MALAT1: variants seen among roughly 807,000 people sequenced by gnomAD.
MALAT1 encodes the protein hepcarcin.
chr11:65,499,791 AAGAC>A lies in MALAT1; in HGVS notation n.1056_1059del, dbSNP rs1181545135. ...CTGAAAAGTAGGAAGCAGAAGAAAAAAGACAAGCTAGGAAACAAAAAGCTAAGGG... is the reference window on the plus strand; with the variant it reads ...CTGAAAAGTAGGAAGCAGAAGAAAAAAAGCTAGGAAACAAAAAGCTAAGGG... On this transcript the variant is annotated non_coding_transcript_exon_variant, in exon 3 of 4. Coordinates refer to ENST00000619449, the Ensembl canonical transcript of MALAT1. 2.8e-5 allele frequency: 12 copies of A among 421,880 alleles called. No individual in the cohort carries two copies. In the Admixed American group the frequency reaches 2.9e-4, roughly 10 times the overall value. 26.1% of individuals were successfully genotyped at this position (421,880 alleles called of 1,614,324 possible). A position where few individuals can be genotyped will look rare whatever the true frequency, so the allele number is the denominator to read the frequency against.
intron 3 of MALAT1, chr11:65,506,055 G>T: frequency 4.5e-6 from 2 of 440,658 alleles, no homozygotes; most frequent in Non-Finnish European, 8.7e-6. Context: ...AAAACAACAC[G>T]TATTGTTTTC....
chr11:65,500,226 A>C, exon 3 of MALAT1: 2 of 516,690 alleles, frequency 3.9e-6, no homozygotes, highest in South Asian at 2.8e-5. Context: ...AAGAGTTAGA[A>C]GAATTTGGAA....
At chr11:65,500,488 AG>A (rs1348458539) in exon 3 of MALAT1, 1 of 518,974 alleles carries the variant, frequency 1.9e-6, no homozygotes, top group Non-Finnish European at 3.8e-6. Flanking sequence ...AGGACTGAGG[AG>A]CAAGCGAGCA....
exon 3 of MALAT1, chr11:65,503,141 G>A (rs1854593108): frequency 2.0e-6 from 1 of 508,876 alleles, no homozygotes; most frequent in Admixed American, 2.0e-5. Flanking sequence ...GTTATCAGAA[G>A]AGTTGCTTCA....
At chr11:65,502,430 T>A (rs777778162) in exon 3 of MALAT1, 1 of 503,992 alleles carries the variant, frequency 2.0e-6, no homozygotes, top group Non-Finnish European at 3.9e-6. Flanking sequence ...AAGCAAGTTT[T>A]TTTTTAGTGT....
At chr11:65,500,043 TGG>T in exon 3 of MALAT1, 1 of 434,226 alleles carries the variant, frequency 2.3e-6, no homozygotes, top group Admixed American at 2.8e-5. Flanking sequence ...ATTTAATTTC[TGG>T]TGGTGCAGAA....
At chr11:65,499,554 C>G in exon 3 of MALAT1, 1 of 457,430 alleles carries the variant, frequency 2.2e-6, no homozygotes, top group South Asian at 1.6e-5. Flanking sequence ...GGGAGAATTG[C>G]GTCATTTAAA....
chr11:65,502,696 G>T (rs1267890508), exon 3 of MALAT1: 1 of 506,994 alleles, frequency 2.0e-6, no homozygotes, highest in Non-Finnish European at 3.9e-6. Context: ...TGGCCTAGAT[G>T]CAGAGAAAAC....
chr11:65,501,017 T>TG, exon 3 of MALAT1: 1 of 508,728 alleles, frequency 2.0e-6, no homozygotes, highest in Non-Finnish European at 3.9e-6. Context: ...GGTTTTTTTT[T>TG]TTTACACGAA....
At chr11:65,503,207 A>T (rs574084712) in exon 3 of MALAT1, 3 of 513,350 alleles carry the variant, frequency 5.8e-6, no homozygotes, top group Admixed American at 2.0e-5. Context: ...TTTAACTTGC[A>T]TCTGCAGTAT....
chr11:65,504,693 A>G (rs1590706540), intron 3 of MALAT1: 1 of 518,986 alleles, frequency 1.9e-6, no homozygotes, highest in East Asian at 5.4e-5. Context: ...AAACATTCCA[A>G]ACAAGCAACA....
At chr11:65,500,292 T>A (rs748155513) in exon 3 of MALAT1, 7 of 518,782 alleles carry the variant, frequency 1.3e-5, no homozygotes, top group African/African-American at 7.7e-5. Flanking sequence ...GTAACGGAAG[T>A]AATTCAAGAT....
At chr11:65,504,813 C>T (rs1163974464) in intron 3 of MALAT1, 2 of 518,856 alleles carry the variant, frequency 3.9e-6, no homozygotes, top group Admixed American at 1.9e-5. Context: ...TTAATTCTTA[C>T]ATGCAGGAAC....
chr11:65,500,242 TA>T (rs753655821), exon 3 of MALAT1: 114 of 518,172 alleles, frequency 2.2e-4, no homozygotes, highest in Admixed American at 2.1e-3. Context: ...TGGAAGGCCT[TA>T]AATATAGTAG....
exon 4 of MALAT1, chr11:65,506,292 T>C (rs767639706): frequency 2.2e-6 from 1 of 463,706 alleles, no homozygotes; most frequent in South Asian, 1.6e-5. Flanking sequence ...CTTTGAACTA[T>C]ATACATCCTT....
At chr11:65,501,990 C>T (rs994512212) in exon 3 of MALAT1, 4 of 513,050 alleles carry the variant, frequency 7.8e-6, no homozygotes, top group African/African-American at 1.9e-5. Context: ...AAAGAAATAT[C>T]AACTTCCAAG....
exon 3 of MALAT1, chr11:65,503,884 G>A (rs1565055273): frequency 1.2e-5 from 6 of 518,082 alleles, no homozygotes; most frequent in South Asian, 8.4e-5. Context: ...TCTAAATAAG[G>A]AATAAATAAC....
exon 3 of MALAT1, chr11:65,500,605 A>C: frequency 1.9e-6 from 1 of 518,982 alleles, no homozygotes; most frequent in Middle Eastern, 3.2e-4. Flanking sequence ...TGGTGAAGCT[A>C]GGAAAAAGGA....
chr11:65,501,821 T>G, exon 3 of MALAT1: 1 of 517,792 alleles, frequency 1.9e-6, no homozygotes, highest in Non-Finnish European at 3.9e-6. Flanking sequence ...ATAATGTGAC[T>G]TCTTAAAAGT....
Sources: gnomAD v4.1 joint callset for allele counts on GRCh38, gnomAD v4.1.1 for gene constraint, MANE v1.5 for transcripts, NCBI Gene and HGNC (gene_info 2026-07-23, HGNC 2026-07-21) for gene names.